The following TENM4 variants were observed in gnomAD, a reference collection of about 807,000 sequenced individuals.
TENM4 encodes the protein teneurin transmembrane protein 4.
A neutral mutation model predicts 243.3 loss-of-function variants in TENM4; 82 were observed. That is an observed-to-expected ratio of 0.34 (90% confidence interval 0.28 to 0.40). The LOEUF is 0.40. TENM4 is among the 10% of genes least tolerant of loss of function. TENM4 has a pLI of 1.00. For missense variants in TENM4, 3,138 were observed against 3,673.3 expected, an observed-to-expected ratio of 0.85 and a Z score of 3.77; for synonymous variants, 1,412 against 1,456.3, an observed-to-expected ratio of 0.97 and a Z score of 0.69.
intron 4 of TENM4, among the ~76,000 whole-genome samples, chr11:79,073,285 A>G (rs1240521163): frequency 1.3e-5 from 2 of 152,126 alleles, no homozygotes; most frequent in South Asian, 2.1e-4. Context: ...CCTCGCTTCC[A>G]TCTTGCTGAG....
intron 12 of TENM4, among the ~76,000 whole-genome samples, chr11:78,829,638 T>C (rs12276734): frequency 0.065 from 9,932 of 152,252 alleles, 1,075 homozygotes; most frequent in African/African-American, 0.23. Flanking sequence ...TAATTCTACT[T>C]TGCTATCTCC....
At chr11:79,035,491 C>G (rs1482133108) in intron 6 of TENM4, among the ~76,000 whole-genome samples, 1 of 150,846 alleles carries the variant, frequency 6.6e-6, no homozygotes, top group African/African-American at 2.4e-5. Flanking sequence ...TTTTTCTCAT[C>G]ACACAAGGGA....
At chr11:79,197,610 G>A (rs1284193987) in intron 3 of TENM4, among the ~76,000 whole-genome samples, 3 of 152,146 alleles carry the variant, frequency 2.0e-5, no homozygotes, top group African/African-American at 7.2e-5. Context: ...ATCCTCCTGT[G>A]ATTTCATGTT....
chr11:79,016,414 T>A (rs1052030145), intron 6 of TENM4, among the ~76,000 whole-genome samples: 1 of 152,080 alleles, frequency 6.6e-6, no homozygotes, highest in Non-Finnish European at 1.5e-5. Flanking sequence ...GGCGAGTGGG[T>A]AGATCACTCC....
At chr11:78,736,477 T>TGTGTGTGTGTGTGTGTGC (rs1328804792) in intron 20 of TENM4, among the ~76,000 whole-genome samples, 8 of 102,126 alleles carry the variant, frequency 7.8e-5, no homozygotes, top group African/African-American at 2.7e-4. Context: ...TGTGTGTGTG[T>TGTGTGTGTGTGTGTGTGC]GTGCGCGCGC....
chr11:78,911,673 T>C (rs1856189496), intron 6 of TENM4, among the ~76,000 whole-genome samples: 1 of 152,198 alleles, frequency 6.6e-6, no homozygotes, highest in African/African-American at 2.4e-5. Flanking sequence ...GGTGGCTTTA[T>C]AAGAAGAAGA....
At chr11:79,140,762 A>C (rs1862271562) in intron 4 of TENM4, among the ~76,000 whole-genome samples, 1 of 152,096 alleles carries the variant, frequency 6.6e-6, no homozygotes, top group African/African-American at 2.4e-5. Flanking sequence ...CAGTTTTCTA[A>C]CTTCTAAAAC....
intron 6 of TENM4, among the ~76,000 whole-genome samples, chr11:78,988,030 G>A (rs1354890365): frequency 1.3e-5 from 2 of 152,166 alleles, no homozygotes; most frequent in Non-Finnish European, 2.9e-5. Flanking sequence ...TGATATTCAC[G>A]CCCTTGTATA....
At chr11:78,883,043 T>C (rs554593033) in intron 9 of TENM4, among the ~76,000 whole-genome samples, 1 of 152,318 alleles carries the variant, frequency 6.6e-6, no homozygotes, top group East Asian at 1.9e-4. Context: ...CCTGGTGCAA[T>C]TTCCTAGAGA....
In TENM4 at chr11:78,769,283, A is replaced by C. The variant is rs528905780; in HGVS notation, c.2539+1709T>G. Among the ~76,000 whole-genome samples the C allele has an allele frequency of 2.0e-5, 3 of 152,372 alleles. No homozygotes were observed. The South Asian group carries it at 6.2e-4, about 32-fold the overall frequency. On this transcript the variant is annotated intron_variant, in intron 18 of 33. Coordinates refer to ENST00000278550, the MANE Select transcript of TENM4 (RefSeq NM_001098816.3). The stretch of plus-strand genomic sequence containing the variant: ...TAAATACACTTTGCCTTGTCTGAAG[A>C]CATGGGTGCTTAGTGCCCTTCCCTG...
At chr11:79,301,344 C>A (rs974346062) in intron 1 of TENM4, among the ~76,000 whole-genome samples, 1 of 152,154 alleles carries the variant, frequency 6.6e-6, no homozygotes, top group Non-Finnish European at 1.5e-5. Context: ...GCCACACTGG[C>A]CCCCTTTCAG....
intron 1 of TENM4, among the ~76,000 whole-genome samples, chr11:79,315,558 G>T (rs1856789655): frequency 6.6e-6 from 1 of 152,164 alleles, no homozygotes; most frequent in South Asian, 2.1e-4. Context: ...TGGAGAACAG[G>T]GGTGCTCAAA....
chr11:78,776,499 G>A (rs1173274789), intron 17 of TENM4, among the ~76,000 whole-genome samples: 1 of 152,078 alleles, frequency 6.6e-6, no homozygotes, highest in Non-Finnish European at 1.5e-5. Flanking sequence ...AGTAAACATT[G>A]TTTCTTTAGT....
intron 6 of TENM4, among the ~76,000 whole-genome samples, chr11:78,906,926 A>C (rs1450018983): frequency 6.6e-6 from 1 of 152,192 alleles, no homozygotes; most frequent in Non-Finnish European, 1.5e-5. Flanking sequence ...CAGTGCAAGC[A>C]AGTGAGGTTC....
At chr11:79,226,727 C>G (rs533776873) in intron 2 of TENM4, among the ~76,000 whole-genome samples, 7 of 152,266 alleles carry the variant, frequency 4.6e-5, no homozygotes, top group African/African-American at 1.7e-4. Context: ...GACTTTACCG[C>G]CCCCTCCCCA....
chr11:79,163,190 G>A (rs1245877646), intron 3 of TENM4, among the ~76,000 whole-genome samples: 3 of 152,286 alleles, frequency 2.0e-5, no homozygotes, highest in African/African-American at 7.2e-5. Flanking sequence ...GAGAGGGAGA[G>A]TGAGAGAAGG....
At chr11:78,870,935 G>C (rs2087938745) in intron 9 of TENM4, among the ~76,000 whole-genome samples, 1 of 152,166 alleles carries the variant, frequency 6.6e-6, no homozygotes, top group African/African-American at 2.4e-5. Flanking sequence ...TAAGAAAGCT[G>C]TGTTTTCTGG....
intron 9 of TENM4, among the ~76,000 whole-genome samples, chr11:78,867,199 A>C (rs1859002532): frequency 2.0e-5 from 3 of 151,748 alleles, no homozygotes; most frequent in South Asian, 4.2e-4. Context: ...ACAGTTCTTT[A>C]TTTATTCTAT....
At chr11:79,012,383 G>A (rs1858668664) in intron 6 of TENM4, among the ~76,000 whole-genome samples, 1 of 152,284 alleles carries the variant, frequency 6.6e-6, no homozygotes, top group East Asian at 1.9e-4. Flanking sequence ...GCCTGGAAAA[G>A]CTTGAAAGAT....
Sources: gnomAD v4.1 joint callset for allele counts (sites outside exome capture counted in the v4.1 genomes callset) on GRCh38, gnomAD v4.1.1 for gene constraint, MANE v1.5 for transcripts, NCBI Gene and HGNC (gene_info 2026-07-23, HGNC 2026-07-21) for gene names.